The following SP4 variants were observed in gnomAD, a reference collection of about 807,000 sequenced individuals.
The protein encoded by SP4 is Sp4 transcription factor, also known as transcription factor Sp4.
Under a neutral mutation model 72.8 loss-of-function variants are expected in SP4, and 19 were observed. That is an observed-to-expected ratio of 0.26 (90% confidence interval 0.18 to 0.38). SP4 has a LOEUF of 0.38. Ranked by LOEUF, SP4 falls within the 10% of genes least tolerant of loss-of-function variation. SP4 has a pLI of 1.00. For missense variants in SP4, 1,008 were observed against 926.3 expected, an observed-to-expected ratio of 1.09 and a Z score of -1.14; for synonymous variants, 395 against 333.1, an observed-to-expected ratio of 1.19 and a Z score of -2.02.
chr7:21,507,688 A>G (rs553556150), intron 5 of SP4, among the ~76,000 whole-genome samples: 1 of 152,250 alleles, frequency 6.6e-6, no homozygotes, highest in East Asian at 1.9e-4. Context: ...CCATAGGACT[A>G]TGCTGGTAAA....
rs1218060657 is a variant in SP4, at chr7:21,444,721, C to T, written c.1678+13878C>T. Among the ~76,000 whole-genome samples, 3 of 152,112 alleles carry T rather than the reference C, an allele frequency of 2.0e-5. No homozygotes were observed. The East Asian group carries it at 5.8e-4, about 29-fold the overall frequency. On this transcript the variant is annotated intron_variant, in intron 3 of 5. Coordinates refer to ENST00000222584, the MANE Select transcript of SP4 (RefSeq NM_003112.5). ...ATGAAGAAGGTGGTGGTGGTGACCT[C>T]AAATTATAGAACAGGAAACCAAGGC...
At chr7:21,498,733 A>C (rs546374253) in intron 5 of SP4, among the ~76,000 whole-genome samples, 2 of 152,344 alleles carry the variant, frequency 1.3e-5, no homozygotes, top group African/African-American at 4.8e-5. Context: ...ATAGTCAATT[A>C]ACACGTATTT....
In SP4 at chr7:21,511,122, G is replaced by T. The variant is rs774420466; in HGVS notation, c.2208G>T (p.Gly736=). The change falls in exon 6 of 6, where the codon GGG becomes GGT. Residue 736 remains glycine (G), a synonymous_variant. Transcript: ENST00000222584. ...VKTHQNKKGG[G]TALAIVTSGE... ...CGCACCAGAATAAAAAAGGTGGTGG[G>T]ACAGCTCTTGCCATTGTTACCTCGG... 5.6e-6 allele frequency: 9 copies of T among 1,614,074 alleles called. No individual in the cohort carries two copies. Among genetic ancestry groups the T allele is most frequent in the South Asian group, 1.1e-5 (1 of 91,086 alleles).
intron 5 of SP4, among the ~76,000 whole-genome samples, chr7:21,496,665 A>T (rs1171108308): frequency 6.6e-6 from 1 of 152,148 alleles, no homozygotes; most frequent in Non-Finnish European, 1.5e-5. Context: ...TTGGATATGC[A>T]GATTATTATT....
In SP4 at chr7:21,428,228, G is replaced by C; in HGVS notation, c.-24G>C. 2.8e-6 allele frequency: 4 copies of C among 1,428,304 alleles called. No homozygotes were observed. Among genetic ancestry groups the C allele is most frequent in the Non-Finnish European group, 3.8e-6 (4 of 1,056,156 alleles). 88.5% of individuals were successfully genotyped at this position (1,428,304 alleles called of 1,614,324 possible). Reference sequence around the variant, plus strand: ...CACCTCTATCCCAGTGTCTCCGTCTGAGGGTTTGTCCTGTTAATGCGGGAT... The same window carrying C: ...CACCTCTATCCCAGTGTCTCCGTCTCAGGGTTTGTCCTGTTAATGCGGGAT... On this transcript the variant is annotated 5_prime_UTR_variant, in exon 1 of 6. Transcript: ENST00000222584.
intron 3 of SP4, among the ~76,000 whole-genome samples, chr7:21,452,782 T>A (rs2128399186): frequency 6.6e-6 from 1 of 150,446 alleles, no homozygotes; most frequent in Non-Finnish European, 1.5e-5. Context: ...CTTTACTCAT[T>A]ATTTTTTTTT....
chr7:21,500,668 T>C (rs775310682), intron 5 of SP4, among the ~76,000 whole-genome samples: 12 of 152,326 alleles, frequency 7.9e-5, no homozygotes, highest in Admixed American at 2.6e-4. Context: ...CCACACTCCT[T>C]CTCATACTGT....
chr7:21,501,031 C>T (rs370768084), intron 5 of SP4, among the ~76,000 whole-genome samples: 59 of 152,058 alleles, frequency 3.9e-4, no homozygotes, highest in African/African-American at 1.4e-3. Context: ...AATTTACCTC[C>T]TAGCATGCAA....
chr7:21,471,603 G>C (rs1784344899), intron 3 of SP4, among the ~76,000 whole-genome samples: 1 of 152,138 alleles, frequency 6.6e-6, no homozygotes, highest in Non-Finnish European at 1.5e-5. Context: ...GGAGGCTGAG[G>C]CAGGAGGATC....
In SP4 at chr7:21,486,238, A is replaced by C. The variant is rs531564734; in HGVS notation, c.2107+4115A>C. On this transcript the variant is annotated intron_variant, in intron 5 of 5. Coordinates refer to ENST00000222584, the MANE Select transcript of SP4 (RefSeq NM_003112.5). Reference sequence around the variant, plus strand: ...TGCAGCTTTATTTTTATTTTGAAATAATTTTATACTTAGAGAAGAGTTGCA... The same window carrying C: ...TGCAGCTTTATTTTTATTTTGAAATCATTTTATACTTAGAGAAGAGTTGCA... Among the ~76,000 whole-genome samples, 3 of 151,592 alleles carry C rather than the reference A, an allele frequency of 2.0e-5. No homozygotes were observed. In the East Asian group the frequency reaches 5.8e-4, roughly 29 times the overall value.
intron 4 of SP4, among the ~76,000 whole-genome samples, chr7:21,478,349 A>G (rs972845662): frequency 2.0e-5 from 3 of 152,030 alleles, no homozygotes; most frequent in African/African-American, 4.8e-5. Context: ...TTGTGTGGGC[A>G]TATGTTTTCA....
Position 21,428,188 on chromosome 7 carries a change from GC to G in SP4, c.-59del. On this transcript the variant is annotated 5_prime_UTR_variant, in exon 1 of 6. Coordinates refer to ENST00000222584, the MANE Select transcript of SP4 (RefSeq NM_003112.5). ...CGGGACCGGCCTCTCCTCCCGCCTC[GC>G]CCCCACCCCCACCCACCTCTATCCC... 2.7e-6 allele frequency: 1 copy of G among 371,886 alleles called. No homozygotes were observed. Among genetic ancestry groups the G allele is most frequent in the Middle Eastern group, 4.1e-4 (1 of 2,468 alleles). The allele number at this position is 371,886 out of a possible 1,614,324, so 23.0% of individuals were successfully genotyped here.
chr7:21,445,042 G>A (rs186862740), intron 3 of SP4, among the ~76,000 whole-genome samples: 2 of 152,232 alleles, frequency 1.3e-5, no homozygotes, highest in African/African-American at 4.8e-5. Flanking sequence ...TGTGTTGATT[G>A]GGAATTTGAG....
At position 21,511,832 on chromosome 7, in the gene SP4, G is replaced by GT. The variant is rs1782148098; in HGVS notation, c.*564dup. 1.3e-5 allele frequency: 2 copies of GT among 154,326 alleles called. No homozygotes were observed. Among genetic ancestry groups the GT allele is most frequent in the South Asian group, 4.0e-4 (2 of 4,972 alleles). 9.6% of individuals were successfully genotyped at this position (154,326 alleles called of 1,614,324 possible). On this transcript the variant is annotated 3_prime_UTR_variant, in exon 6 of 6. Transcript: ENST00000222584. ...GTTGAATTAGGTAAGTTCCAAAACA[G>GT]TAATCTGAGATGCATCTCAGATCTT...
At chr7:21,508,013 C>T (rs1782046974) in intron 5 of SP4, among the ~76,000 whole-genome samples, 1 of 152,114 alleles carries the variant, frequency 6.6e-6, no homozygotes, top group African/African-American at 2.4e-5. Flanking sequence ...ATTTTCCTCC[C>T]TTGGCTTCTG....
chr7:21,461,417 G>A (rs570665267), intron 3 of SP4, among the ~76,000 whole-genome samples: 42 of 152,312 alleles, frequency 2.8e-4, no homozygotes, highest in African/African-American at 7.7e-4. Context: ...GAAATCGAGC[G>A]CAGCGCCAGT....
intron 3 of SP4, among the ~76,000 whole-genome samples, chr7:21,461,422 G>A (rs1393803863): frequency 6.6e-6 from 1 of 152,188 alleles, no homozygotes; most frequent in Admixed American, 6.5e-5. Context: ...CGAGCGCAGC[G>A]CCAGTGGGCC....
At chr7:21,482,554 C>A in intron 5 of SP4, 2 of 511,116 alleles carry the variant, frequency 3.9e-6, no homozygotes, top group Non-Finnish European at 5.0e-6. Context: ...ATCTAACAAC[C>A]CTCAGTCAGA....
chr7:21,474,694 G>C (rs1369344176), intron 3 of SP4, among the ~76,000 whole-genome samples: 3 of 152,178 alleles, frequency 2.0e-5, no homozygotes, highest in Admixed American at 1.3e-4. Flanking sequence ...GAAATTTTAT[G>C]GAAGTCAGTG....
Sources: gnomAD v4.1 joint callset for allele counts (sites outside exome capture counted in the v4.1 genomes callset) on GRCh38, gnomAD v4.1.1 for gene constraint, MANE v1.5 for transcripts, NCBI Gene and HGNC (gene_info 2026-07-23, HGNC 2026-07-21) for gene names.